The following CTNND2 variants were observed in gnomAD, a reference collection of about 807,000 sequenced individuals.
The protein encoded by CTNND2 is catenin delta-2.
CTNND2 carries 22 observed loss-of-function variants against 144.4 expected under a neutral mutation model. That is an observed-to-expected ratio of 0.15 (90% CI 0.11 to 0.22). The LOEUF (loss-of-function observed/expected upper bound fraction) is 0.22, where lower values mean the gene tolerates loss of function less well. Ranked by LOEUF, CTNND2 falls within the 10% of genes least tolerant of loss-of-function variation. The pLI, the probability that CTNND2 is intolerant of heterozygous loss-of-function variation, is 1.00. For synonymous variants in CTNND2, 751 were observed against 695.6 expected (o/e 1.08, Z -1.25); for missense variants, 1,353 against 1,618.8 (o/e 0.84, Z 2.82).
intron 16 of CTNND2, among the ~76,000 whole-genome samples, chr5:11,074,048 C>T (rs4643921): frequency 0.29 from 44,149 of 152,080 alleles, 6,592 homozygotes; most frequent in Middle Eastern, 0.38. Flanking sequence ...AAAAACAGCA[C>T]GTTGCCTTCC....
Position 11,385,121 on chromosome 5 carries a change from G to T in CTNND2, c.721C>A (p.Pro241Thr). 9.8e-7 allele frequency: 1 copy of T among 1,023,696 alleles called. No homozygotes were observed. Among genetic ancestry groups the T allele is most frequent in the South Asian group, 4.0e-5 (1 of 25,086 alleles). 63.4% of individuals were successfully genotyped at this position (1,023,696 alleles called of 1,614,324 possible). A position where few individuals can be genotyped will look rare whatever the true frequency, so the allele number is the denominator to read the frequency against. ...APSLGSAFHL[P>T]DAPPAAAAAA... The stretch of plus-strand genomic sequence containing the variant: ...GCGGCGGCGGCGGGCGGCGCGTCGG[G>T]CAGGTGGAAGGCGCTGCCCAGGCTG... Residue 241 changes from proline to threonine, a missense_variant, in exon 7 of 22, where the codon CCC becomes ACC. Pro to Thr is a conservative substitution (Grantham distance 38). Transcript: ENST00000304623.
chr5:11,252,247 A>G (rs969026238), intron 9 of CTNND2, among the ~76,000 whole-genome samples: 5 of 152,220 alleles, frequency 3.3e-5, no homozygotes, highest in African/African-American at 1.2e-4. Flanking sequence ...AGAATGAGAA[A>G]TCAATGAGAG....
intron 1 of CTNND2, among the ~76,000 whole-genome samples, chr5:11,814,836 T>C (rs925980650): frequency 1.3e-5 from 2 of 152,230 alleles, no homozygotes; most frequent in African/African-American, 2.4e-5. Context: ...GACTACAATA[T>C]AGATTGTTGT....
chr5:11,372,189 T>A (rs1392314554), intron 7 of CTNND2, among the ~76,000 whole-genome samples: 2 of 152,202 alleles, frequency 1.3e-5, no homozygotes, highest in African/African-American at 2.4e-5. Context: ...TCAAATACTT[T>A]CCAGCAAAAA....
At chr5:11,754,711 C>A (rs115733972) in intron 1 of CTNND2, among the ~76,000 whole-genome samples, 3,018 of 151,602 alleles carry the variant, frequency 0.02, 85 homozygotes, top group African/African-American at 0.07. Flanking sequence ...ATATGTGATG[C>A]CCTTTTTGTC....
At chr5:11,600,412 A>G (rs982034251) in intron 2 of CTNND2, among the ~76,000 whole-genome samples, 2 of 152,174 alleles carry the variant, frequency 1.3e-5, no homozygotes, top group African/African-American at 4.8e-5. Context: ...CAAATTTTTT[A>G]TATGAAGATT....
At chr5:11,527,136 A>G (rs139789736) in intron 3 of CTNND2, among the ~76,000 whole-genome samples, 35 of 152,306 alleles carry the variant, frequency 2.3e-4, no homozygotes, top group African/African-American at 7.9e-4. Flanking sequence ...AATTCTGGAA[A>G]TGGATAGAGT....
intron 1 of CTNND2, among the ~76,000 whole-genome samples, chr5:11,853,218 T>C (rs1795096700): frequency 6.6e-6 from 1 of 152,184 alleles, no homozygotes; most frequent in Non-Finnish European, 1.5e-5. Context: ...TCTAAAGCTG[T>C]GGACAATTTT....
chr5:11,787,429 A>G (rs1355188063), intron 1 of CTNND2, among the ~76,000 whole-genome samples: 1 of 152,230 alleles, frequency 6.6e-6, no homozygotes, highest in Non-Finnish European at 1.5e-5. Context: ...TTTCTAGAGA[A>G]TCATTTACAC....
At chr5:11,451,432 TAGTA>T (rs1220549854) in intron 3 of CTNND2, among the ~76,000 whole-genome samples, 8 of 152,288 alleles carry the variant, frequency 5.3e-5, no homozygotes, top group African/African-American at 1.7e-4. Flanking sequence ...GTCCTAGGAA[TAGTA>T]AGTAATACAG....
intron 3 of CTNND2, among the ~76,000 whole-genome samples, chr5:11,532,703 A>G (rs1248899829): frequency 1.3e-5 from 2 of 152,248 alleles, no homozygotes; most frequent in African/African-American, 2.4e-5. Flanking sequence ...TAGGTTCAAT[A>G]TCGCAAAACA....
At chr5:11,479,772 T>C (rs192064750) in intron 3 of CTNND2, among the ~76,000 whole-genome samples, 2 of 151,860 alleles carry the variant, frequency 1.3e-5, no homozygotes, top group East Asian at 3.9e-4. Flanking sequence ...TTTTTTTTTT[T>C]CATAAGATAG....
intron 2 of CTNND2, among the ~76,000 whole-genome samples, chr5:11,707,943 TAA>T (rs1785798799): frequency 3.3e-5 from 5 of 152,234 alleles, no homozygotes; most frequent in Non-Finnish European, 7.3e-5. Flanking sequence ...TTTCCACTCC[TAA>T]ATTTCTGCAT....
chr5:11,047,233 C>T (rs1561222078), intron 16 of CTNND2, among the ~76,000 whole-genome samples: 2 of 152,292 alleles, frequency 1.3e-5, no homozygotes. Context: ...GGAAAGCTGC[C>T]AGTACACACC....
intron 3 of CTNND2, among the ~76,000 whole-genome samples, chr5:11,421,250 C>T (rs1282891226): frequency 2.0e-5 from 3 of 152,168 alleles, no homozygotes; most frequent in African/African-American, 4.8e-5. Flanking sequence ...GAGAAGTTCC[C>T]TGCCCATTCC....
intron 3 of CTNND2, among the ~76,000 whole-genome samples, chr5:11,414,648 C>G (rs59830928): frequency 6.6e-6 from 1 of 152,152 alleles, no homozygotes; most frequent in Non-Finnish European, 1.5e-5. Flanking sequence ...GTTTGTTACA[C>G]AGGTAAACTC....
intron 2 of CTNND2, among the ~76,000 whole-genome samples, chr5:11,615,053 C>T (rs2126399987): frequency 6.6e-6 from 1 of 152,240 alleles, no homozygotes; most frequent in South Asian, 2.1e-4. Context: ...GTTTCATATT[C>T]ATTAAGCAAT....
intron 8 of CTNND2, among the ~76,000 whole-genome samples, chr5:11,353,415 A>G (rs958460704): frequency 6.6e-6 from 1 of 152,210 alleles, no homozygotes; most frequent in African/African-American, 2.4e-5. Context: ...TTGAAGTGCA[A>G]TATGTTTGGC....
At chr5:11,043,447 T>G (rs1393316380) in intron 16 of CTNND2, among the ~76,000 whole-genome samples, 1 of 152,160 alleles carries the variant, frequency 6.6e-6, no homozygotes, top group Non-Finnish European at 1.5e-5. Flanking sequence ...AGTTTAAAAC[T>G]TTGGTAGTTG....
Sources: allele counts gnomAD v4.1 joint callset (sites outside exome capture counted in the v4.1 genomes callset), GRCh38; gene constraint gnomAD v4.1.1; transcripts MANE v1.5; gene names NCBI Gene and HGNC (gene_info 2026-07-23, HGNC 2026-07-21).